ERBIN: variants seen among roughly 807,000 people sequenced by gnomAD.
The protein encoded by ERBIN is erbb2 interacting protein, also known as densin-180-like protein.
ERBIN carries 60 observed loss-of-function variants against 158.4 expected under a neutral mutation model. The ratio of observed to expected loss-of-function variants is 0.38; its 90% CI spans 0.31 to 0.47. ERBIN has a LOEUF of 0.47. ERBIN is among the 20% of genes least tolerant of loss of function. ERBIN has a pLI of 0.99. For synonymous variants in ERBIN, 594 were observed against 557.2 expected (o/e 1.07, Z -0.93); for missense variants, 1,610 against 1,648.0 (o/e 0.98, Z 0.40).
At chr5:65,985,117 G>C (rs557720661) in intron 1 of ERBIN, among the ~76,000 whole-genome samples, 1 of 152,178 alleles carries the variant, frequency 6.6e-6, no homozygotes, top group Non-Finnish European at 1.5e-5. Context: ...GGCTTGAGAC[G>C]GAGTCTCGGT....
chr5:65,953,289 A>C (rs1372970809), intron 1 of ERBIN, among the ~76,000 whole-genome samples: 1 of 152,208 alleles, frequency 6.6e-6, no homozygotes, highest in Non-Finnish European at 1.5e-5. Flanking sequence ...TGATCTGGTG[A>C]AAGAGGCTTT....
intron 4 of ERBIN, among the ~76,000 whole-genome samples, chr5:66,004,865 G>C (rs1181931755): frequency 6.6e-6 from 1 of 152,158 alleles, no homozygotes; most frequent in African/African-American, 2.4e-5. Context: ...TAGCATGTGT[G>C]AGGACTGTTC....
intron 1 of ERBIN, among the ~76,000 whole-genome samples, chr5:65,951,682 G>A (rs1051624317): frequency 1.3e-5 from 2 of 152,170 alleles, no homozygotes; most frequent in East Asian, 1.9e-4. Flanking sequence ...TTTCAAAATA[G>A]TGGTACTTAA....
At chr5:65,937,081 T>C (rs1174564041) in intron 1 of ERBIN, among the ~76,000 whole-genome samples, 1 of 152,200 alleles carries the variant, frequency 6.6e-6, no homozygotes, top group Non-Finnish European at 1.5e-5. Flanking sequence ...CATTGAAAAA[T>C]TAAATGTCAA....
intron 14 of ERBIN, among the ~76,000 whole-genome samples, chr5:66,034,687 A>C (rs1278175784): frequency 6.6e-6 from 1 of 151,472 alleles, no homozygotes; most frequent in Non-Finnish European, 1.5e-5. Flanking sequence ...TGTAGAGCCT[A>C]GTTGAAGTAT....
rs750886762 is a variant in ERBIN at position 66,078,053 on chromosome 5, A to C, written c.4132-370A>C. Among the ~76,000 whole-genome samples the C allele has an allele frequency of 3.7e-4, 57 of 152,192 alleles. 1 individual carries two copies. The highest frequency in any genetic ancestry group is 5.1e-4 in the Non-Finnish European group (35 of 68,024). Reference sequence around the variant, plus strand: ...AATATTAAGCTTAATTGTAAGAAATATGGTGGTCTTGATGTGATGGCTCCA... The same window carrying C: ...AATATTAAGCTTAATTGTAAGAAATCTGGTGGTCTTGATGTGATGGCTCCA... On this transcript the variant is annotated intron_variant, in intron 25 of 25. Coordinates refer to ENST00000284037, the MANE Select transcript of ERBIN (RefSeq NM_001253697.2).
At chr5:65,965,774 C>A (rs988649587) in intron 1 of ERBIN, among the ~76,000 whole-genome samples, 1 of 152,152 alleles carries the variant, frequency 6.6e-6, no homozygotes, top group Non-Finnish European at 1.5e-5. Flanking sequence ...TTCCTCTCCC[C>A]TTAATGTGTT....
rs143380911 is a variant in ERBIN at position 66,053,982 on chromosome 5, T to C, written c.2664T>C (p.Ser888=). ...GGCTAAAAATCTATGATATTCTTAG[T>C]GATAATGGACCTCAGCAGCCAAGTA... ...IGGLKIYDIL[S]DNGPQQPSTT... The change falls in exon 21 of 26, where the codon AGT becomes AGC. Residue 888 remains serine, a synonymous_variant. Coordinates refer to ENST00000284037, the MANE Select transcript of ERBIN (RefSeq NM_001253697.2). The C allele has an allele frequency of 1.2e-6, 2 of 1,614,172 alleles. No individual in the cohort carries two copies. The highest frequency in any genetic ancestry group is 2.7e-5 in the African/African-American group (2 of 75,050).
intron 16 of ERBIN, 90 bp downstream of exon 16, chr5:66,043,288 C>G: frequency 7.7e-7 from 1 of 1,303,396 alleles, no homozygotes; most frequent in South Asian, 1.4e-5. Flanking sequence ...GGGGATATAA[C>G]AAAGTATTGA....
At chr5:66,072,991 A>G (rs933467984) in intron 22 of ERBIN, among the ~76,000 whole-genome samples, 1 of 152,240 alleles carries the variant, frequency 6.6e-6, no homozygotes, top group Non-Finnish European at 1.5e-5. Flanking sequence ...CATCTAATAT[A>G]TAAGTTCTTA....
intron 1 of ERBIN, among the ~76,000 whole-genome samples, chr5:65,934,144 C>A (rs1484712452): frequency 6.6e-6 from 1 of 152,202 alleles, no homozygotes; most frequent in Admixed American, 6.5e-5. Context: ...GATTTGCCTG[C>A]CTTGGCCTCC....
In ERBIN at chr5:66,028,357, T is replaced by G; in HGVS notation, c.1206+14T>G. 6.2e-7 allele frequency: 1 copy of G among 1,604,920 alleles called. No homozygotes were observed. Among genetic ancestry groups the G allele is most frequent in the Non-Finnish European group, 8.5e-7 (1 of 1,172,980 alleles). On this transcript the variant is annotated intron_variant, in intron 14 of 25. Coordinates refer to ENST00000284037, the MANE Select transcript of ERBIN (RefSeq NM_001253697.2). ...TCAGATAATCAGGTGGGCATTCTGA[T>G]TTTATAAGTTAATGGAGTTCTTATT...
Position 65,992,809 on chromosome 5 carries a change from C to A in ERBIN, c.91C>A (p.His31Asn). ...GACTGTCACTACTCTTGATTATTCT[C>A]ATTGCAGCTTAGAACAAGTTCCGAA... Reference protein sequence around the residue: ...EETVTTLDYSHCSLEQVPKEI... With the variant: ...EETVTTLDYSNCSLEQVPKEI... The change falls in exon 3 of 26, where the codon CAT (histidine) becomes AAT (asparagine). Residue 31 changes from histidine (H) to asparagine (N), a missense_variant. By Grantham distance (68) the His-to-Asn change is moderately conservative. Around this residue, in one of 2 missense-constraint regions of ERBIN, gnomAD observed 596 missense variants for 711.9 expected, o/e 0.84. Coordinates refer to ENST00000284037, the MANE Select transcript of ERBIN (RefSeq NM_001253697.2). The A allele has an allele frequency of 6.2e-7, 1 of 1,613,710 alleles. No homozygotes were observed. The highest frequency in any genetic ancestry group is 8.5e-7 in the Non-Finnish European group (1 of 1,179,728).
chr5:66,071,713 C>G (rs976042232), intron 21 of ERBIN, among the ~76,000 whole-genome samples: 8 of 149,024 alleles, frequency 5.4e-5, no homozygotes, highest in Non-Finnish European at 8.9e-5. Context: ...ATTGAAAGAA[C>G]AGCAGTTAAT....
intron 17 of ERBIN, among the ~76,000 whole-genome samples, chr5:66,045,062 T>G (rs1366039717): frequency 6.6e-6 from 1 of 151,328 alleles, no homozygotes; most frequent in African/African-American, 2.4e-5. Flanking sequence ...ACAAAAAATT[T>G]TAAAAATTAT....
chr5:66,031,863 T>C (rs1197677639), intron 14 of ERBIN, among the ~76,000 whole-genome samples: 1 of 151,848 alleles, frequency 6.6e-6, no homozygotes, highest in African/African-American at 2.4e-5. Context: ...AAAAGAGGAA[T>C]AGGATTTTTG....
intron 1 of ERBIN, among the ~76,000 whole-genome samples, chr5:65,940,906 T>C (rs187760854): frequency 0.012 from 1,743 of 151,232 alleles, 28 homozygotes; most frequent in Middle Eastern, 0.065. Context: ...ATTGAGAAAT[T>C]GGATGGTTGC....
intron 1 of ERBIN, among the ~76,000 whole-genome samples, chr5:65,952,209 A>G (rs1746590239): frequency 6.6e-6 from 1 of 151,906 alleles, no homozygotes; most frequent in Non-Finnish European, 1.5e-5. Context: ...TTTCCCCCCA[A>G]CTTTCAGACC....
chr5:66,082,270 G>A lies in ERBIN; in HGVS notation c.*3740G>A, dbSNP rs1191328228. The A allele has an allele frequency of 6.6e-6, 1 of 152,108 alleles. No homozygotes were observed. The highest frequency in any genetic ancestry group is 2.4e-5 in the African/African-American group (1 of 41,422). 9.4% of individuals were successfully genotyped at this position (152,108 alleles called of 1,614,324 possible). A position where few individuals can be genotyped will look rare whatever the true frequency, so the allele number is the denominator to read the frequency against. ...TTAAGAGAACAACCTAGGTTTTATT[G>A]TAGAGAACAATCAAAATACTCCTGA... On this transcript the variant is annotated 3_prime_UTR_variant, in exon 26 of 26. Transcript: ENST00000284037.
Sources: allele counts gnomAD v4.1 joint callset (sites outside exome capture counted in the v4.1 genomes callset), GRCh38; gene constraint gnomAD v4.1.1; regional missense constraint gnomAD v4.1.1; transcripts MANE v1.5; gene names NCBI Gene and HGNC (gene_info 2026-07-23, HGNC 2026-07-21).